Variants in CBLC observed in about 807,000 individuals in gnomAD.
CBLC encodes the protein E3 ubiquitin-protein ligase CBL-C.
Under a neutral mutation model 58.6 loss-of-function variants are expected in CBLC, and 46 were observed. The observed-to-expected ratio is 0.79, with a 90% CI of 0.62 to 1.00. The LOEUF (loss-of-function observed/expected upper bound fraction) is 1.00. CBLC is among the 50% of genes least tolerant of loss of function. The pLI is 0.00. For missense variants in CBLC, 655 were observed against 625.8 expected (o/e 1.05, Z -0.50); for synonymous variants, 271 against 264.2 (o/e 1.03, Z -0.25).
chr19:44,781,605 G>GA (rs1967741096), intron 3 of CBLC, among the ~76,000 whole-genome samples: 2 of 143,968 alleles, frequency 1.4e-5, no homozygotes, highest in Non-Finnish European at 1.5e-5. Flanking sequence ...AGGGGGCTGG[G>GA]GACCTGGACT....
chr19:44,799,252 G>A (rs761083731), intron 9 of CBLC, among the ~76,000 whole-genome samples: 4 of 152,196 alleles, frequency 2.6e-5, no homozygotes, highest in African/African-American at 4.8e-5. Flanking sequence ...CAGGAGGATG[G>A]TTTAAGCCCA....
At chr19:44,793,439 G>A (rs746979867) in intron 7 of CBLC, 35 bp from the exon 8 acceptor site, 4 of 1,567,212 alleles carry the variant, frequency 2.6e-6, no homozygotes, top group East Asian at 4.5e-5. Flanking sequence ...GGAGAGCAGG[G>A]GAGCACTGAC....
rs993192049 is a variant in CBLC at position 44,781,070 on chromosome 19, T to C, written c.500+19T>C. ...GAGCCCGGTGAGTAAGCCCTTGTCC[T>C]CAGCTCCCGGAGCCCCATCCTGCCC... On this transcript the variant is annotated intron_variant, in intron 2 of 10. Transcript: ENST00000647358. The C allele has an allele frequency of 1.9e-6, 3 of 1,606,118 alleles. No individual in the cohort carries two copies. Among genetic ancestry groups the C allele is most frequent in the Admixed American group, 1.7e-5 (1 of 59,594 alleles).
chr19:44,790,137 C>A, intron 6 of CBLC, 46 bp downstream of exon 6: 1 of 1,451,132 alleles, frequency 6.9e-7, no homozygotes, highest in Non-Finnish European at 9.7e-7. Context: ...CTGACCCTGC[C>A]ACCCCCACGT....
intron 9 of CBLC, among the ~76,000 whole-genome samples, chr19:44,799,687 G>C (rs1968248240): frequency 6.8e-6 from 1 of 146,632 alleles, no homozygotes; most frequent in Non-Finnish European, 1.5e-5. Context: ...AGAAAGAAAA[G>C]TAAAGAAAGA....
intron 1 of CBLC, among the ~76,000 whole-genome samples, chr19:44,779,165 T>G (rs2122376787): frequency 6.6e-6 from 1 of 152,330 alleles, no homozygotes; most frequent in African/African-American, 2.4e-5. Flanking sequence ...TGCACATTTG[T>G]GATCAGAACT....
intron 4 of CBLC, 127 bp downstream of exon 4, chr19:44,782,618 T>C (rs1392159021): frequency 5.5e-6 from 4 of 732,856 alleles, no homozygotes; most frequent in Admixed American, 5.5e-5. Flanking sequence ...CCCCAGAGAG[T>C]TGATAACTCA....
rs867948926 is a variant in CBLC at position 44,789,930 on chromosome 19, G to T, written c.918-74G>T. On this transcript the variant is annotated intron_variant, in intron 5 of 10. Transcript: ENST00000647358. ...AGGGAAATATGGGGCCCTGTAGGGG[G>T]TAAAGGTACTTGTTCATCTGGGGGT... 5.1e-6 allele frequency: 5 copies of T among 971,554 alleles called. No homozygotes were observed. In the Middle Eastern group the frequency reaches 6.2e-4, roughly 121 times the overall value. The allele number at this position is 971,554 out of a possible 1,614,324, so 60.2% of individuals were successfully genotyped here. A position where few individuals can be genotyped will look rare whatever the true frequency, so the allele number is the denominator to read the frequency against.
rs979925754 is a variant in CBLC, at chr19:44,784,463, G to A, written c.917+62G>A. 6.1e-6 allele frequency: 9 copies of A among 1,473,416 alleles called. No individual in the cohort carries two copies. The Admixed American group carries it at 1.3e-4, about 21-fold the overall frequency. 91.3% of individuals were successfully genotyped at this position (1,473,416 alleles called of 1,614,324 possible). On this transcript the variant is annotated intron_variant, in intron 5 of 10. Coordinates refer to ENST00000647358, the MANE Select transcript of CBLC (RefSeq NM_012116.4). ...AAATCTGGTTGGAAAGATCTTGCATGTTGTGCACTGCCGGTGGCCACCACG... is the reference window on the plus strand; with the variant it reads ...AAATCTGGTTGGAAAGATCTTGCATATTGTGCACTGCCGGTGGCCACCACG...
At position 44,797,573 on chromosome 19, in the gene CBLC, G is replaced by A. The variant is rs1599875619; in HGVS notation, c.1363-2808G>A. On this transcript the variant is annotated intron_variant, in intron 9 of 10. Transcript: ENST00000647358. ...TAACTTTTGCTATGTGCCTGGCATTGCTTTTTTTTTTTTTTTAAGATGGGG... is the reference window on the plus strand; with the variant it reads ...TAACTTTTGCTATGTGCCTGGCATTACTTTTTTTTTTTTTTTAAGATGGGG... 4.8e-5 allele frequency among the ~76,000 whole-genome samples: 6 copies of A among 125,734 alleles called. No individual in the cohort carries two copies. In the South Asian group the frequency reaches 1.8e-3, roughly 39 times the overall value. 82.5% of individuals were successfully genotyped at this position (125,734 alleles called of 152,430 possible). A position where few individuals can be genotyped will look rare whatever the true frequency, so the allele number is the denominator to read the frequency against.
chr19:44,800,018 G>T (rs1175950572), intron 9 of CBLC, among the ~76,000 whole-genome samples: 4 of 152,206 alleles, frequency 2.6e-5, no homozygotes, highest in African/African-American at 9.6e-5. Context: ...TCCTACACGA[G>T]TTAGAGGTGA....
At chr19:44,793,348 C>T (rs1968101087) in intron 7 of CBLC, 126 bp from the exon 8 acceptor site, 1 of 1,063,234 alleles carries the variant, frequency 9.4e-7, no homozygotes, top group East Asian at 2.8e-5. Flanking sequence ...CTCTTCTCTC[C>T]TTCCGTCTCC....
intron 9 of CBLC, among the ~76,000 whole-genome samples, chr19:44,799,514 T>C (rs1968243087): frequency 6.6e-6 from 1 of 152,140 alleles, no homozygotes; most frequent in Admixed American, 6.5e-5. Flanking sequence ...GTATTTTTCA[T>C]AGAGACAGGG....
chr19:44,784,453 G>T (rs746709190), intron 5 of CBLC, 52 bp downstream of exon 5: 1 of 1,514,314 alleles, frequency 6.6e-7, no homozygotes, highest in Non-Finnish European at 9.0e-7. Flanking sequence ...TGGTTGGAAA[G>T]ATCTTGCATG....
intron 7 of CBLC, 22 bp from the exon 8 acceptor site, chr19:44,793,451 CT>C: frequency 6.3e-7 from 1 of 1,587,392 alleles, no homozygotes; most frequent in Non-Finnish European, 8.6e-7. Flanking sequence ...AGCACTGACC[CT>C]TTCCCTCCCG....
At position 44,781,042 on chromosome 19, in the gene CBLC, G is replaced by T. The variant is rs1795223132; in HGVS notation, c.491G>T (p.Cys164Phe). The T allele has an allele frequency of 6.2e-7, 1 of 1,612,086 alleles. No individual in the cohort carries two copies. The highest frequency in any genetic ancestry group is 1.3e-5 in the African/African-American group (1 of 74,916). ...APAHTFWRESCGARCVLPWAE... is the reference protein window; with the variant it reads ...APAHTFWRESFGARCVLPWAE... ...GCCCACACCTTCTGGAGGGAAAGTT[G>T]CGGAGCCCGGTGAGTAAGCCCTTGT... The change falls in exon 2 of 11, where the codon TGC (cysteine) becomes TTC (phenylalanine). Residue 164 changes from cysteine (C) to phenylalanine (F), a missense_variant. Cys to Phe is a radical substitution (Grantham distance 205). Around this residue, in one of 3 missense-constraint regions of CBLC, gnomAD observed 280 missense variants for 237.2 expected, o/e 1.18. Transcript: ENST00000647358.
chr19:44,795,842 C>T (rs1049233631), intron 9 of CBLC, among the ~76,000 whole-genome samples: 1 of 152,156 alleles, frequency 6.6e-6, no homozygotes, highest in African/African-American at 2.4e-5. Context: ...AGCACACATA[C>T]ACGTCATAGG....
rs765846775 is a variant in CBLC, at chr19:44,800,464, C to T, written c.*7+14C>T. ...CCTGAAGGCCAGGTGAGTCCATTCC[C>T]TAACCCTCCCTGGCCCACTCCACCC... On this transcript the variant is annotated intron_variant, in intron 10 of 10. Coordinates refer to ENST00000647358, the MANE Select transcript of CBLC (RefSeq NM_012116.4). 1.9e-6 allele frequency: 3 copies of T among 1,574,424 alleles called. No homozygotes were observed. The highest frequency in any genetic ancestry group is 2.6e-6 in the Non-Finnish European group (3 of 1,145,522).
chr19:44,791,767 G>C (rs1299102167), intron 6 of CBLC, among the ~76,000 whole-genome samples: 1 of 151,522 alleles, frequency 6.6e-6, no homozygotes, highest in East Asian at 1.9e-4. Context: ...TAGACATGTA[G>C]GAGGCCATTG....
Sources: allele counts gnomAD v4.1 joint callset (sites outside exome capture counted in the v4.1 genomes callset), GRCh38; gene constraint gnomAD v4.1.1; regional missense constraint gnomAD v4.1.1; transcripts MANE v1.5; gene names NCBI Gene and HGNC (gene_info 2026-07-23, HGNC 2026-07-21).